BOLL: variants seen among roughly 807,000 people sequenced by gnomAD.
BOLL encodes protein boule-like.
BOLL carries 23 observed loss-of-function variants against 44.4 expected under a neutral mutation model. The ratio of observed to expected loss-of-function variants is 0.52; its 90% CI spans 0.37 to 0.73. The LOEUF (loss-of-function observed/expected upper bound fraction) is 0.73, where lower values mean the gene tolerates loss of function less well. Ranked by LOEUF, BOLL falls within the 30% of genes least tolerant of loss-of-function variation. The pLI is 0.00. For missense variants in BOLL, 287 were observed against 338.3 expected (o/e 0.85, Z 1.19); for synonymous variants, 97 against 110.8 (o/e 0.88, Z 0.78).
chr2:197,735,289 G>C (rs1363647859), intron 10 of BOLL, among the ~76,000 whole-genome samples: 1 of 151,988 alleles, frequency 6.6e-6, no homozygotes, highest in Non-Finnish European at 1.5e-5. Context: ...TCAATTTAGA[G>C]ACTCTTGTCC....
chr2:197,728,574 A>C lies in BOLL; in HGVS notation c.833T>G (p.Val278Gly), dbSNP rs1559384711. Residue 278 changes from valine (V) to glycine (G), a missense_variant, in exon 11 of 11, where the codon GTG becomes GGG. Transcript: ENST00000392296. ...ATTGTCTTAATAATGAATGCTCCACACTGTCTGTTAAGTAAAGAGAAAATA... is the reference window on the plus strand; with the variant it reads ...ATTGTCTTAATAATGAATGCTCCACCCTGTCTGTTAAGTAAAGAGAAAATA... ...PVMQPEPIKT[V>G]WSIHY is the part of the protein sequence containing the mutation. 1 of 1,603,308 alleles carries C rather than the reference A, an allele frequency of 6.2e-7. No individual in the cohort carries two copies. The highest frequency in any genetic ancestry group is 8.5e-7 in the Non-Finnish European group (1 of 1,171,256).
chr2:197,758,836 G>T, intron 7 of BOLL: 2 of 810,478 alleles, frequency 2.5e-6, no homozygotes, highest in Non-Finnish European at 3.8e-6. Context: ...ACTGACATAT[G>T]TTAACATTAA....
chr2:197,761,479 T>C (rs1256251669), intron 7 of BOLL, among the ~76,000 whole-genome samples: 1 of 151,750 alleles, frequency 6.6e-6, no homozygotes, highest in African/African-American at 2.4e-5. Flanking sequence ...AAGAAAAGAA[T>C]CAAGCCTTAT....
chr2:197,747,161 T>A (rs1041324357), intron 9 of BOLL, among the ~76,000 whole-genome samples: 2 of 152,102 alleles, frequency 1.3e-5, no homozygotes, highest in African/African-American at 4.8e-5. Context: ...ATTAGCTTGA[T>A]TGGGGTAATC....
intron 9 of BOLL, among the ~76,000 whole-genome samples, chr2:197,744,264 C>T (rs568443403): frequency 5.3e-5 from 8 of 152,154 alleles, no homozygotes. Flanking sequence ...AGGAGTGAGA[C>T]GGAGGCTAGA....
At chr2:197,773,663 A>G (rs1012009969) in intron 5 of BOLL, among the ~76,000 whole-genome samples, 2 of 151,990 alleles carry the variant, frequency 1.3e-5, no homozygotes, top group African/African-American at 4.8e-5. Context: ...AAAACAGTAT[A>G]TTAGATTCTG....
intron 7 of BOLL, among the ~76,000 whole-genome samples, chr2:197,765,649 ACTAT>A (rs1190770924): frequency 6.6e-6 from 1 of 151,994 alleles, no homozygotes; most frequent in African/African-American, 2.4e-5. Context: ...CCAAGGATTA[ACTAT>A]CTCTTTTTTA....
chr2:197,766,908 G>A (rs1236725848), intron 6 of BOLL, among the ~76,000 whole-genome samples: 1 of 151,916 alleles, frequency 6.6e-6, no homozygotes, highest in African/African-American at 2.4e-5. Context: ...AATACTTAGA[G>A]GAAAATGACA....
intron 10 of BOLL, among the ~76,000 whole-genome samples, chr2:197,730,521 C>T (rs1687110993): frequency 6.8e-6 from 1 of 148,134 alleles, no homozygotes; most frequent in African/African-American, 2.5e-5. Flanking sequence ...TCAGATTCAC[C>T]AAAGTTGAAA....
chr2:197,778,845 G>A (rs1689639567), intron 3 of BOLL, 130 bp downstream of exon 3: 1 of 656,622 alleles, frequency 1.5e-6, no homozygotes, highest in East Asian at 2.8e-5. Flanking sequence ...GAAATCAAAA[G>A]GTAGGAGGAA....
chr2:197,759,096 A>C, intron 7 of BOLL: 1 of 978,866 alleles, frequency 1.0e-6, no homozygotes, highest in Non-Finnish European at 1.5e-6. Context: ...ACCCCGCCAC[A>C]AGAAAAGACT....
chr2:197,759,197 T>C (rs1688643899), intron 7 of BOLL, among the ~76,000 whole-genome samples: 1 of 152,078 alleles, frequency 6.6e-6, no homozygotes, highest in East Asian at 1.9e-4. Context: ...CCTGTGGTGA[T>C]TGCAAATCCA....
chr2:197,754,459 C>T (rs1688410517), intron 9 of BOLL, among the ~76,000 whole-genome samples: 1 of 152,090 alleles, frequency 6.6e-6, no homozygotes, highest in Non-Finnish European at 1.5e-5. Context: ...CCTGTAATCC[C>T]AGCACTTTGG....
intron 10 of BOLL, among the ~76,000 whole-genome samples, chr2:197,730,527 T>G (rs1266726104): frequency 6.7e-6 from 1 of 148,346 alleles, no homozygotes; most frequent in Non-Finnish European, 1.5e-5. Flanking sequence ...TCACCAAAGT[T>G]GAAATGAAGG....
chr2:197,785,489 C>T (rs1690034591), upstream of BOLL: 14 of 677,958 alleles, frequency 2.1e-5, 1 homozygote, highest in South Asian at 6.7e-4. This position sits in a 1 kb window ranked among gnomAD's most constrained non-coding sequence, Gnocchi z 6.7. Flanking sequence ...GTGTCCGGGT[C>T]CCGCCTGGGC....
In BOLL at chr2:197,743,150, C is replaced by A; in HGVS notation, c.739G>T (p.Asp247Tyr). ...METSVPEPYS[D>Y]HGVQATYHQV... ...TGATATGTTGCTTGAACTCCATGAT[C>A]AGAATAAGGCTATTACAAAAAAAGA... Residue 247 changes from aspartate (D) to tyrosine (Y), a missense_variant, in exon 10 of 11, where the codon GAT (aspartate) becomes TAT (tyrosine). Transcript: ENST00000392296. 1.3e-6 allele frequency: 2 copies of A among 1,589,392 alleles called. No homozygotes were observed. Among genetic ancestry groups the A allele is most frequent in the South Asian group, 2.3e-5 (2 of 86,726 alleles).
chr2:197,767,685 C>T (rs1389616679), intron 6 of BOLL, among the ~76,000 whole-genome samples: 3 of 151,824 alleles, frequency 2.0e-5, no homozygotes, highest in Admixed American at 2.0e-4. Context: ...TATGGGGAGC[C>T]TAGGGATACT....
In BOLL at chr2:197,771,955, G is replaced by T. The variant is rs1177579366; in HGVS notation, c.380C>A (p.Thr127Lys). 6.3e-7 allele frequency: 1 copy of T among 1,589,350 alleles called. No homozygotes were observed. The highest frequency in any genetic ancestry group is 1.4e-5 in the African/African-American group (1 of 74,066). ...TCCAGTTGAAGTTGTTAGATACATT[G>T]TTCCAGCTGCTGGCATTATACTAGA... ...PRSSIMPAAG[T>K]MYLTTSTGYP... is the part of the protein sequence containing the mutation. The change falls in exon 6 of 11, where the codon ACA (threonine) becomes AAA (lysine). Residue 127 changes from threonine to lysine, a missense_variant. Coordinates refer to ENST00000392296, the MANE Select transcript of BOLL (RefSeq NM_033030.6).
chr2:197,781,962 AT>A (rs1250623097), intron 1 of BOLL, 97 bp from the exon 2 acceptor site: 12 of 1,076,278 alleles, frequency 1.1e-5, no homozygotes, highest in Non-Finnish European at 1.5e-5. Flanking sequence ...AAGAAGAGTC[AT>A]TTAGGCAAAA....
Sources: allele counts gnomAD v4.1 joint callset (sites outside exome capture counted in the v4.1 genomes callset), GRCh38; gene constraint gnomAD v4.1.1; non-coding constraint Gnocchi (gnomAD v3.1); transcripts MANE v1.5; gene names NCBI Gene and HGNC (gene_info 2026-07-23, HGNC 2026-07-21).